The following DPEP1 variants were observed in gnomAD, a reference collection of about 807,000 sequenced individuals.
DPEP1 encodes dipeptidase 1.
Under a neutral mutation model 42.3 loss-of-function variants are expected in DPEP1, and 50 were observed. The ratio of observed to expected loss-of-function variants is 1.18; its 90% CI spans 0.94 to 1.50. The LOEUF (loss-of-function observed/expected upper bound fraction) is 1.50, where lower values mean the gene tolerates loss of function less well. Ranked by LOEUF, DPEP1 falls within the 40% of genes most tolerant of loss-of-function variation. The pLI, the probability that DPEP1 is intolerant of heterozygous loss-of-function variation, is 0.00. For missense variants in DPEP1, 663 were observed against 553.0 expected, an observed-to-expected ratio of 1.20 and a Z score of -1.99; for synonymous variants, 297 against 234.0, an observed-to-expected ratio of 1.27 and a Z score of -2.46.
chr16:89,623,151 A>T (rs537940250), intron 1 of DPEP1, among the ~76,000 whole-genome samples: 28 of 151,862 alleles, frequency 1.8e-4, no homozygotes, highest in Admixed American at 5.9e-4. Flanking sequence ...AGCTATTTTT[A>T]AAAATGCTGC....
chr16:89,640,176 C>A (rs2059732913), downstream of DPEP1, among the ~76,000 whole-genome samples: 1 of 152,214 alleles, frequency 6.6e-6, no homozygotes, highest in Non-Finnish European at 1.5e-5. Context: ...TTGAGATGCA[C>A]ACAGGGCAGG....
chr16:89,617,280 G>T (rs947309841), intron 1 of DPEP1, among the ~76,000 whole-genome samples: 1 of 152,162 alleles, frequency 6.6e-6, no homozygotes. Flanking sequence ...CGGCTGAGCT[G>T]GGTGGAGGTG....
chr16:89,616,621 A>C (rs2059381009), intron 1 of DPEP1, among the ~76,000 whole-genome samples: 1 of 152,216 alleles, frequency 6.6e-6, no homozygotes, highest in African/African-American at 2.4e-5. Context: ...GGTGGCTTAA[A>C]GAGGTTCCTT....
At position 89,638,244 on chromosome 16, in the gene DPEP1, C is replaced by T. The variant is rs771090628; in HGVS notation, c.*22C>T. 9 of 1,510,442 alleles carry T rather than the reference C, an allele frequency of 6.0e-6. No homozygotes were observed. The East Asian group carries it at 2.0e-4, about 34-fold the overall frequency. The allele number at this position is 1,510,442 out of a possible 1,614,324, so 93.6% of individuals were successfully genotyped here. A position where few individuals can be genotyped will look rare whatever the true frequency, so the allele number is the denominator to read the frequency against. Reference sequence around the variant, plus strand: ...GTGAAACCTGGGAGACCAGAGTCCCCTTTAGGGTTCCCGGAGCTCCGGGAA... The same window carrying T: ...GTGAAACCTGGGAGACCAGAGTCCCTTTTAGGGTTCCCGGAGCTCCGGGAA... On this transcript the variant is annotated 3_prime_UTR_variant, in exon 11 of 11. Coordinates refer to ENST00000690203, the MANE Select transcript of DPEP1 (RefSeq NM_001389466.1).
At chr16:89,614,168 C>A (rs1207739712) in intron 1 of DPEP1, among the ~76,000 whole-genome samples, 1 of 152,100 alleles carries the variant, frequency 6.6e-6, no homozygotes, top group Non-Finnish European at 1.5e-5. Flanking sequence ...CTCAGACCCG[C>A]CGCTGTCCTC....
intron 1 of DPEP1, among the ~76,000 whole-genome samples, chr16:89,627,757 T>C (rs1188470207): frequency 6.9e-6 from 1 of 144,446 alleles, no homozygotes; most frequent in African/African-American, 2.6e-5. Context: ...GCCTCCCTGG[T>C]TCAAGTGATT....
At chr16:89,621,373 G>A (rs754542361) in intron 1 of DPEP1, among the ~76,000 whole-genome samples, 12 of 152,000 alleles carry the variant, frequency 7.9e-5, no homozygotes, top group Non-Finnish European at 1.2e-4. Flanking sequence ...GGAGGGAGGC[G>A]TTGGGGGCAG....
chr16:89,621,107 TG>T (rs139787414), intron 1 of DPEP1, among the ~76,000 whole-genome samples: 1,608 of 151,766 alleles, frequency 0.011, 20 homozygotes, highest in African/African-American at 0.037. Context: ...GGGTGGCTTC[TG>T]GGGTGACTGT....
chr16:89,634,320 C>T (rs1360202239), intron 2 of DPEP1, among the ~76,000 whole-genome samples: 1 of 152,084 alleles, frequency 6.6e-6, no homozygotes, highest in Admixed American at 6.6e-5. Context: ...ATCTCCTGAC[C>T]TTGTGATCTG....
At chr16:89,614,663 C>G (rs183439669) in intron 1 of DPEP1, among the ~76,000 whole-genome samples, 3 of 152,106 alleles carry the variant, frequency 2.0e-5, no homozygotes, top group Admixed American at 2.0e-4. Flanking sequence ...GGCGTGGTGG[C>G]GGGCGCCTGT....
intron 1 of DPEP1, among the ~76,000 whole-genome samples, 175 bp downstream of exon 1, chr16:89,613,894 G>T (rs972859645): frequency 1.3e-5 from 2 of 149,796 alleles, no homozygotes; most frequent in African/African-American, 4.9e-5. Context: ...GTGCGGCAGG[G>T]GACGGGGCGG....
In DPEP1 at chr16:89,633,592, C is replaced by T. The variant is rs181994154; in HGVS notation, c.105-2316C>T. On this transcript the variant is annotated intron_variant, in intron 2 of 10. Coordinates refer to ENST00000690203, the MANE Select transcript of DPEP1 (RefSeq NM_001389466.1). ...GAAATGATTAACAGTTACTCATCTG[C>T]CTCTCCCAGCTGCCCTCCAAGGAAA... 3.5e-5 allele frequency among the ~76,000 whole-genome samples: 5 copies of T among 142,680 alleles called. No individual in the cohort carries two copies. The South Asian group carries it at 1.1e-3, about 31-fold the overall frequency. 93.6% of individuals were successfully genotyped at this position (142,680 alleles called of 152,430 possible).
chr16:89,639,857 A>G (rs181828361), downstream of DPEP1, among the ~76,000 whole-genome samples: 177 of 152,206 alleles, frequency 1.2e-3, 2 homozygotes, highest in East Asian at 0.026. Context: ...AGCTAATTTT[A>G]GTAGAGACGA....
chr16:89,629,451 G>T (rs190711231), intron 1 of DPEP1, among the ~76,000 whole-genome samples: 1 of 152,064 alleles, frequency 6.6e-6, no homozygotes, highest in Admixed American at 6.6e-5. Flanking sequence ...GCAGTGAGCC[G>T]AGAGGGAGCC....
In DPEP1 at chr16:89,638,316, C is replaced by T. The variant is rs1238358880; in HGVS notation, c.*94C>T. The T allele has an allele frequency of 3.5e-5, 51 of 1,445,936 alleles. No individual in the cohort carries two copies. Among genetic ancestry groups the T allele is most frequent in the Admixed American group, 1.4e-4 (5 of 35,270 alleles). The allele number at this position is 1,445,936 out of a possible 1,614,324, so 89.6% of individuals were successfully genotyped here. A position where few individuals can be genotyped will look rare whatever the true frequency, so the allele number is the denominator to read the frequency against. On this transcript the variant is annotated 3_prime_UTR_variant, in exon 11 of 11. Transcript: ENST00000690203. ...CAGATGCCAGGAGCCCTGCTGCCCACATGCAAGGACCAGCATCTCCTGAGA... is the reference window on the plus strand; with the variant it reads ...CAGATGCCAGGAGCCCTGCTGCCCATATGCAAGGACCAGCATCTCCTGAGA...
rs534847401 is a variant in DPEP1, at chr16:89,637,324, G to C, written c.712G>C (p.Ala238Pro). ...RAPVIFSHSS[A>P]YSVCASRRNV... ...CCCGGTCATCTTCAGCCACTCCTCG[G>C]CCTACAGCGTGTGCGCAAGCCGGCG... is the stretch of plus-strand genomic sequence containing the variant. The change falls in exon 7 of 11, where the codon GCC becomes CCC. Residue 238 changes from alanine to proline, a missense_variant. By Grantham distance (27) the Ala-to-Pro change is conservative. Transcript: ENST00000690203. 1.2e-6 allele frequency: 2 copies of C among 1,612,564 alleles called. No individual in the cohort carries two copies. The highest frequency in any genetic ancestry group is 2.2e-5 in the East Asian group (1 of 44,884).
chr16:89,615,627 A>C (rs1288555516), intron 1 of DPEP1, among the ~76,000 whole-genome samples: 2 of 152,196 alleles, frequency 1.3e-5, no homozygotes, highest in Non-Finnish European at 2.9e-5. Flanking sequence ...GCCCACCCTG[A>C]GGGAGGAGCA....
chr16:89,625,309 G>C (rs149906294), intron 1 of DPEP1, among the ~76,000 whole-genome samples: 4 of 152,094 alleles, frequency 2.6e-5, no homozygotes, highest in Non-Finnish European at 4.4e-5. Context: ...AGGGCATCAC[G>C]TGCAGAGAGG....
downstream of DPEP1, chr16:89,638,514 T>A: frequency 8.2e-7 from 1 of 1,222,844 alleles, no homozygotes. Flanking sequence ...CGTGGGGCAC[T>A]CCTGTGATCC....
Sources: allele counts gnomAD v4.1 joint callset (sites outside exome capture counted in the v4.1 genomes callset), GRCh38; gene constraint gnomAD v4.1.1; transcripts MANE v1.5; gene names NCBI Gene and HGNC (gene_info 2026-07-23, HGNC 2026-07-21).